SIPA1L3: variants seen among roughly 807,000 people sequenced by gnomAD.
SIPA1L3 encodes the protein signal-induced proliferation-associated 1-like protein 3.
A neutral mutation model predicts 150.1 loss-of-function variants in SIPA1L3; 59 were observed. The ratio of observed to expected loss-of-function variants is 0.39; its 90% CI spans 0.32 to 0.49. SIPA1L3 has a LOEUF of 0.49. SIPA1L3 is among the 20% of genes least tolerant of loss of function. SIPA1L3 has a pLI of 0.86. For synonymous variants in SIPA1L3, 1,070 were observed against 1,077.6 expected, an observed-to-expected ratio of 0.99 and a Z score of 0.14; for missense variants, 2,211 against 2,489.5, an observed-to-expected ratio of 0.89 and a Z score of 2.38.
chr19:38,103,898 T>C (rs1368928732), intron 6 of SIPA1L3, among the ~76,000 whole-genome samples: 1 of 56,156 alleles, frequency 1.8e-5, no homozygotes, highest in Non-Finnish European at 3.0e-5. Flanking sequence ...CGAGACTCCA[T>C]ATCAAAAAAA....
intron 20 of SIPA1L3, 96 bp downstream of exon 20, chr19:38,202,093 C>T (rs1973100027): frequency 7.8e-7 from 1 of 1,276,152 alleles, no homozygotes; most frequent in African/African-American, 1.5e-5. Flanking sequence ...TGGGTCACCC[C>T]CACCACTCTC....
At chr19:37,967,690 C>G (rs1403634991) in intron 1 of SIPA1L3, among the ~76,000 whole-genome samples, 2 of 151,898 alleles carry the variant, frequency 1.3e-5, no homozygotes, top group Non-Finnish European at 2.9e-5. Context: ...GACTTCAACA[C>G]GTGAATTTTA....
chr19:37,910,758 C>T (rs931781366), intron 1 of SIPA1L3, among the ~76,000 whole-genome samples: 14 of 152,260 alleles, frequency 9.2e-5, no homozygotes, highest in African/African-American at 3.4e-4. Context: ...GCATATGCCA[C>T]CATGCCTGGC....
Position 38,062,864 on chromosome 19 carries a change from G to A in SIPA1L3, c.-310-18392G>A, listed in dbSNP as rs372548556. 4.0e-3 allele frequency among the ~76,000 whole-genome samples: 614 copies of A among 152,138 alleles called. 4 individuals are homozygous for A. The highest frequency in any genetic ancestry group is 6.3e-3 in the Non-Finnish European group (430 of 67,994). ...TTGAACTCCTGACCTCAGGTGATCC[G>A]CCTGCCGTGGCCTCCCAAAGTGCTG... On this transcript the variant is annotated intron_variant, in intron 2 of 21. Coordinates refer to ENST00000222345, the MANE Select transcript of SIPA1L3 (RefSeq NM_015073.3).
At chr19:37,913,994 C>T (rs1032736742) in intron 1 of SIPA1L3, among the ~76,000 whole-genome samples, 10 of 146,244 alleles carry the variant, frequency 6.8e-5, no homozygotes, top group Non-Finnish European at 6.0e-5. Context: ...CACTGCACTC[C>T]AGCCTGGGCG....
Position 38,082,210 on chromosome 19 carries a change from G to C in SIPA1L3, c.645G>C (p.Glu215Asp). 1.9e-6 allele frequency: 3 copies of C among 1,602,978 alleles called. No individual in the cohort carries two copies. The highest frequency in any genetic ancestry group is 1.7e-6 in the Non-Finnish European group (2 of 1,179,764). ...TSSIDVQGMPEQSFFDILNEF... is the reference protein window; with the variant it reads ...TSSIDVQGMPDQSFFDILNEF... ...CCATCGACGTGCAGGGCATGCCCGAGCAGAGCTTCTTCGACATCCTGAACG... is the reference window on the plus strand; with the variant it reads ...CCATCGACGTGCAGGGCATGCCCGACCAGAGCTTCTTCGACATCCTGAACG... The change falls in exon 3 of 22, where the codon GAG (glutamate) becomes GAC (aspartate). Residue 215 changes from glutamate to aspartate, a missense_variant. Coordinates refer to ENST00000222345, the MANE Select transcript of SIPA1L3 (RefSeq NM_015073.3).
intron 1 of SIPA1L3, among the ~76,000 whole-genome samples, chr19:37,961,409 G>A (rs890846011): frequency 6.6e-6 from 1 of 151,970 alleles, no homozygotes; most frequent in Non-Finnish European, 1.5e-5. Context: ...ATGCTATCCT[G>A]ATGTCTTCTG....
intron 2 of SIPA1L3, among the ~76,000 whole-genome samples, chr19:38,054,462 C>T (rs1230788528): frequency 1.3e-5 from 2 of 152,110 alleles, no homozygotes; most frequent in Non-Finnish European, 2.9e-5. Context: ...CAAAAATTAG[C>T]GGATGTGGTG....
At position 38,204,082 on chromosome 19, in the gene SIPA1L3, A is replaced by G. The variant is rs1568610753; in HGVS notation, c.5121-45A>G. On this transcript the variant is annotated intron_variant, in intron 20 of 21. Transcript: ENST00000222345. ...CAGATGTGGGCCAGAAGCCTTCCCCAGGGGCTTTAGGGCCTCAGGCTGACC... is the reference window on the plus strand; with the variant it reads ...CAGATGTGGGCCAGAAGCCTTCCCCGGGGGCTTTAGGGCCTCAGGCTGACC... 17 of 1,496,908 alleles carry G rather than the reference A, an allele frequency of 1.1e-5. No individual in the cohort carries two copies. The South Asian group carries it at 1.9e-4, about 17-fold the overall frequency. 92.7% of individuals were successfully genotyped at this position (1,496,908 alleles called of 1,614,324 possible). A position where few individuals can be genotyped will look rare whatever the true frequency, so the allele number is the denominator to read the frequency against.
intron 10 of SIPA1L3, among the ~76,000 whole-genome samples, chr19:38,137,648 AT>A (rs1971464293): frequency 6.6e-6 from 1 of 151,770 alleles, no homozygotes; most frequent in African/African-American, 2.4e-5. Flanking sequence ...TTATATTTTA[AT>A]TATTATTTAG....
chr19:38,182,516 C>A lies in SIPA1L3; in HGVS notation c.4209-3C>A, dbSNP rs201430771. Reference sequence around the variant, plus strand: ...TTTTATCTCTTTCATTTTTGCTTTGCAGTGACATGGGCTCGAGGGTTGGCT... The same window carrying A: ...TTTTATCTCTTTCATTTTTGCTTTGAAGTGACATGGGCTCGAGGGTTGGCT... On this transcript the variant is annotated splice_polypyrimidine_tract_variant and splice_region_variant and intron_variant, in intron 15 of 21. Transcript: ENST00000222345. 3.1e-6 allele frequency: 5 copies of A among 1,588,194 alleles called. No individual in the cohort carries two copies. Among genetic ancestry groups the A allele is most frequent in the Non-Finnish European group, 4.3e-6 (5 of 1,165,972 alleles).
At chr19:38,038,206 G>A (rs939885276) in intron 2 of SIPA1L3, among the ~76,000 whole-genome samples, 12 of 152,196 alleles carry the variant, frequency 7.9e-5, no homozygotes, top group African/African-American at 2.2e-4. Context: ...TGGAGGTAGA[G>A]TGGACAGGAC....
intron 13 of SIPA1L3, among the ~76,000 whole-genome samples, chr19:38,155,912 C>A (rs982087547): frequency 6.6e-6 from 1 of 152,152 alleles, no homozygotes; most frequent in Admixed American, 6.6e-5. Context: ...GAAACCCCTT[C>A]TCTACTAAAA....
intron 1 of SIPA1L3, among the ~76,000 whole-genome samples, chr19:37,993,700 A>G (rs973185153): frequency 6.6e-6 from 1 of 152,082 alleles, no homozygotes; most frequent in Non-Finnish European, 1.5e-5. Context: ...TGTTTCCAGA[A>G]CGTACCTGAA....
intron 2 of SIPA1L3, among the ~76,000 whole-genome samples, chr19:38,054,433 C>A (rs547016049): frequency 6.6e-6 from 1 of 152,266 alleles, no homozygotes; most frequent in East Asian, 1.9e-4. Context: ...ATGGTGAAAC[C>A]CTGCCTCCAC....
At position 38,072,326 on chromosome 19, in the gene SIPA1L3, A is replaced by G. The variant is rs530093466; in HGVS notation, c.-310-8930A>G. On this transcript the variant is annotated intron_variant, in intron 2 of 21. Transcript: ENST00000222345. ...TGGAAAGGACCTGGACCATAGAAGG[A>G]TTCTATTCATGGTAGTTGCTGTCGT... Among the ~76,000 whole-genome samples, 6 of 152,314 alleles carry G rather than the reference A, an allele frequency of 3.9e-5. No individual in the cohort carries two copies. In the South Asian group the frequency reaches 6.2e-4, roughly 16 times the overall value.
At chr19:38,069,220 G>A (rs934917270) in intron 2 of SIPA1L3, among the ~76,000 whole-genome samples, 2 of 152,198 alleles carry the variant, frequency 1.3e-5, no homozygotes, top group Non-Finnish European at 2.9e-5. Flanking sequence ...CCTGGCTTTA[G>A]TGGGACAGAC....
chr19:38,038,610 A>G (rs1968843719), intron 2 of SIPA1L3, among the ~76,000 whole-genome samples: 1 of 144,406 alleles, frequency 6.9e-6, no homozygotes, highest in Non-Finnish European at 1.5e-5. Context: ...AAAAAAAGTC[A>G]TGTGCATGTT....
chr19:38,074,452 G>A (rs1043272680), intron 2 of SIPA1L3, among the ~76,000 whole-genome samples: 6 of 151,898 alleles, frequency 4.0e-5, no homozygotes, highest in Non-Finnish European at 7.3e-5. Flanking sequence ...TCCTCCCTCC[G>A]CACTCTGCAC....
Sources: gnomAD v4.1 joint callset for allele counts (sites outside exome capture counted in the v4.1 genomes callset) on GRCh38, gnomAD v4.1.1 for gene constraint, MANE v1.5 for transcripts, NCBI Gene and HGNC (gene_info 2026-07-23, HGNC 2026-07-21) for gene names.